The following ANKRD18A variants were observed in gnomAD, a reference collection of about 807,000 sequenced individuals.
ANKRD18A encodes ankyrin repeat domain 18A, also known as ankyrin repeat domain-containing protein 18A.
ANKRD18A carries 72 observed loss-of-function variants against 110.6 expected under a neutral mutation model. The observed-to-expected ratio is 0.65, with a 90% CI of 0.54 to 0.79. ANKRD18A has a LOEUF of 0.79. Among genes scored for constraint, ANKRD18A ranks in the 30% least tolerant of loss-of-function variants. The pLI, the probability that ANKRD18A is intolerant of heterozygous loss-of-function variation, is 0.00. For missense variants in ANKRD18A, 934 were observed against 1,163.3 expected, an observed-to-expected ratio of 0.80 and a Z score of 2.87; for synonymous variants, 305 against 410.3, an observed-to-expected ratio of 0.74 and a Z score of 3.10.
rs554710200 is a variant in ANKRD18A at position 38,589,527 on chromosome 9, C to T, written c.2005-864G>A. 1.4e-3 allele frequency among the ~76,000 whole-genome samples: 208 copies of T among 152,334 alleles called. 2 individuals are homozygous for T. Among genetic ancestry groups the T allele is most frequent in the Non-Finnish European group, 1.3e-3 (88 of 68,036 alleles). ...ACTGTAAGCCTGCTTCAAGCTAGCC[C>T]ACCCCATTTTTGAAGTGTGTATAAA... On this transcript the variant is annotated intron_variant, in intron 10 of 15. Transcript: ENST00000399703.
intron 11 of ANKRD18A, 44 bp downstream of exon 11, chr9:38,588,507 C>A (rs1824485825): frequency 4.3e-6 from 5 of 1,166,620 alleles, no homozygotes; most frequent in South Asian, 2.8e-5. Flanking sequence ...AGAGTTAAAT[C>A]AATTACTAAA....
At chr9:38,585,411 G>C (rs1294932702) in intron 12 of ANKRD18A, among the ~76,000 whole-genome samples, 1 of 152,088 alleles carries the variant, frequency 6.6e-6, no homozygotes, top group African/African-American at 2.4e-5. Flanking sequence ...CTGAGCCAAT[G>C]TATGTCTTCC....
intron 15 of ANKRD18A, among the ~76,000 whole-genome samples, chr9:38,574,440 T>G (rs549475784): frequency 6.6e-6 from 1 of 152,242 alleles, no homozygotes; most frequent in South Asian, 2.1e-4. Flanking sequence ...GTAATGGGGT[T>G]GCTGCATGTG....
At chr9:38,585,948 G>A (rs1587498222) in intron 12 of ANKRD18A, among the ~76,000 whole-genome samples, 1 of 152,182 alleles carries the variant, frequency 6.6e-6, no homozygotes, top group Non-Finnish European at 1.5e-5. Context: ...ATAAGTGGGA[G>A]CTGAATGATG....
chr9:38,595,878 C>G lies in ANKRD18A; in HGVS notation c.1462G>C (p.Gly488Arg), dbSNP rs1824856748. Residue 488 changes from glycine (G) to arginine (R), a missense_variant, in exon 9 of 16, where the codon GGT (glycine) becomes CGT (arginine). Transcript: ENST00000399703. ...GCATCTCTTGTCTCACGGAGCTTACCTTTTAAGGTATTGAACTTCACCCGA... is the reference window on the plus strand; with the variant it reads ...GCATCTCTTGTCTCACGGAGCTTACGTTTTAAGGTATTGAACTTCACCCGA... The part of the protein sequence containing the change: ...KARVKFNTLK[G>R]KLRETRDALR... 1.3e-6 allele frequency: 2 copies of G among 1,551,298 alleles called. No individual in the cohort carries two copies. Among genetic ancestry groups the G allele is most frequent in the East Asian group, 4.9e-5 (2 of 40,908 alleles).
chr9:38,601,805 C>A (rs1825125731), intron 7 of ANKRD18A, among the ~76,000 whole-genome samples: 1 of 151,770 alleles, frequency 6.6e-6, no homozygotes, highest in Non-Finnish European at 1.5e-5. Flanking sequence ...AGCCCAGAGA[C>A]CATAGTGAAA....
rs1825103556 is a variant in ANKRD18A at position 38,601,165 on chromosome 9, T to C, written c.902A>G (p.Glu301Gly). 2.6e-6 allele frequency: 4 copies of C among 1,560,132 alleles called. No individual in the cohort carries two copies. The East Asian group carries it at 9.5e-5, about 37-fold the overall frequency. The change falls in exon 8 of 16, where the codon GAA (glutamate) becomes GGA (glycine). Residue 301 changes from glutamate to glycine, a missense_variant. Physicochemically the swap from Glu to Gly is moderately conservative, Grantham distance 98. Coordinates refer to ENST00000399703, the MANE Select transcript of ANKRD18A (RefSeq NM_147195.4). ...NLKVASEEKQERLQRSENKQP... is the reference protein window; with the variant it reads ...NLKVASEEKQGRLQRSENKQP... ...TTTATTTTCACTTCTTTGGAGCCTT[T>C]CTTGCTTTTCCTCTGAAGCCACTTT...
chr9:38,569,696 C>A (rs1178008854), downstream of ANKRD18A, among the ~76,000 whole-genome samples: 11 of 152,140 alleles, frequency 7.2e-5, no homozygotes, highest in African/African-American at 2.7e-4. Flanking sequence ...TGTCTTGCTT[C>A]TCTGGCCAGG....
chr9:38,572,248 C>T (rs1317411873), intron 15 of ANKRD18A, 189 bp from the exon 16 acceptor site: 2 of 447,208 alleles, frequency 4.5e-6, no homozygotes, highest in African/African-American at 4.2e-5. Flanking sequence ...GGTTAAATAT[C>T]ACAGCTTTTT....
In ANKRD18A at chr9:38,597,347, C is replaced by A. The variant is rs551598642; in HGVS notation, c.937-944G>T. Among the ~76,000 whole-genome samples, 4 of 152,156 alleles carry A rather than the reference C, an allele frequency of 2.6e-5. No homozygotes were observed. In the East Asian group the frequency reaches 7.7e-4, roughly 29 times the overall value. On this transcript the variant is annotated intron_variant, in intron 8 of 15. Transcript: ENST00000399703. Reference sequence around the variant, plus strand: ...AAGGTGCTCATTGAAATAGAGGAACCAAAGTTTGCCACAACACAAGGAGCC... The same window carrying A: ...AAGGTGCTCATTGAAATAGAGGAACAAAAGTTTGCCACAACACAAGGAGCC...
chr9:38,582,769 C>A (rs1165885074), intron 12 of ANKRD18A, among the ~76,000 whole-genome samples: 1 of 152,190 alleles, frequency 6.6e-6, no homozygotes, highest in Non-Finnish European at 1.5e-5. Context: ...TTTGTGACTG[C>A]ATTTGGCAGT....
rs1825413837 is a variant in ANKRD18A at position 38,607,471 on chromosome 9, G to A, written c.763C>T (p.His255Tyr). ...TGATTTTTAAGCATTTTATTTTTATGTTCCAAAATTTGTTGTCGGATGCTA... is the reference window on the plus strand; with the variant it reads ...TGATTTTTAAGCATTTTATTTTTATATTCCAAAATTTGTTGTCGGATGCTA... ...LRSIRQQILE[H>Y]KNKMLKNHLR... Residue 255 changes from histidine to tyrosine, a missense_variant, in exon 6 of 16, where the codon CAT becomes TAT. This residue lies in a region of ANKRD18A where 630 missense variants were observed against 797.5 expected (regional missense o/e 0.79). Transcript: ENST00000399703. 2 of 1,499,022 alleles carry A rather than the reference G, an allele frequency of 1.3e-6. No homozygotes were observed. The highest frequency in any genetic ancestry group is 1.4e-5 in the African/African-American group (1 of 70,088). 92.9% of individuals were successfully genotyped at this position (1,499,022 alleles called of 1,614,324 possible).
At chr9:38,589,911 C>G (rs1158786226) in intron 10 of ANKRD18A, among the ~76,000 whole-genome samples, 1 of 152,192 alleles carries the variant, frequency 6.6e-6, no homozygotes, top group Non-Finnish European at 1.5e-5. Flanking sequence ...AAATTTCCAG[C>G]TCTGACCTTT....
chr9:38,603,958 C>A (rs1012303832), intron 6 of ANKRD18A, among the ~76,000 whole-genome samples: 10 of 152,294 alleles, frequency 6.6e-5, no homozygotes, highest in Admixed American at 5.2e-4. Context: ...TTTGCTTTCC[C>A]AGTGCCTGGT....
rs1386113385 is a variant in ANKRD18A at position 38,593,825 on chromosome 9, G to T, written c.1939C>A (p.His647Asn). Residue 647 changes from histidine (H) to asparagine (N), a missense_variant, in exon 10 of 16, where the codon CAT (histidine) becomes AAT (asparagine). By Grantham distance (68) the His-to-Asn change is moderately conservative. Transcript: ENST00000399703. Reference protein sequence around the residue: ...ISESPLEGTSHCHINLNETWT... With the variant: ...ISESPLEGTSNCHINLNETWT... Reference sequence around the variant, plus strand: ...GTCTCATTCAAATTAATATGACAATGTGATGTACCTTCCAGTGGAGACTCT... The same window carrying T: ...GTCTCATTCAAATTAATATGACAATTTGATGTACCTTCCAGTGGAGACTCT... 5.2e-6 allele frequency: 8 copies of T among 1,542,890 alleles called. No homozygotes were observed.
chr9:38,613,899 T>C (rs531128931), intron 3 of ANKRD18A, among the ~76,000 whole-genome samples: 1 of 152,354 alleles, frequency 6.6e-6, no homozygotes, highest in East Asian at 1.9e-4. Flanking sequence ...GGTCAGTCTC[T>C]ACTTATTGAA....
At position 38,611,220 on chromosome 9, in the gene ANKRD18A, G is replaced by A. The variant is rs1825606232; in HGVS notation, c.597C>T (p.Phe199=). Residue 199 remains phenylalanine, a synonymous_variant, in exon 4 of 16, where the codon TTC becomes TTT. Coordinates refer to ENST00000399703, the MANE Select transcript of ANKRD18A (RefSeq NM_147195.4). Reference sequence around the variant, plus strand: ...AAAAACAAAAACTATTGCACCTTTTGAAATTGTCAACGGCATGTATATTTG... The same window carrying A: ...AAAAACAAAAACTATTGCACCTTTTAAAATTGTCAACGGCATGTATATTTG... ...NQANIHAVDN[F]KRTALILAVQ... 3.3e-6 allele frequency: 5 copies of A among 1,528,236 alleles called. No individual in the cohort carries two copies. In the East Asian group the frequency reaches 1.2e-4, roughly 38 times the overall value. 94.7% of individuals were successfully genotyped at this position (1,528,236 alleles called of 1,614,324 possible).
rs557693102 is a variant in ANKRD18A at position 38,572,059 on chromosome 9, C to T, written c.2965G>A (p.Val989Ile). The change falls in exon 16 of 16, where the codon GTT becomes ATT. Residue 989 changes from valine to isoleucine, a missense_variant and splice_region_variant. This residue lies in a region of ANKRD18A where 223 missense variants were observed against 226.7 expected (regional missense o/e 0.98). Coordinates refer to ENST00000399703, the MANE Select transcript of ANKRD18A (RefSeq NM_147195.4). ...GGAGCAAGTGCTCAACATAGCAAAA[C>T]CTGGAAAGAAAAAGAAAGGATTATG... ...SNNCKNFLTE[V>I]LLC 6 of 1,581,180 alleles carry T rather than the reference C, an allele frequency of 3.8e-6. No homozygotes were observed. In the African/African-American group the frequency reaches 6.9e-5, roughly 18 times the overall value.
Position 38,593,788 on chromosome 9 carries a change from T to C in ANKRD18A, c.1976A>G (p.Lys659Arg). 1 of 1,532,886 alleles carries C rather than the reference T, an allele frequency of 6.5e-7. No homozygotes were observed. Among genetic ancestry groups the C allele is most frequent in the South Asian group, 1.3e-5 (1 of 78,076 alleles). 95.0% of individuals were successfully genotyped at this position (1,532,886 alleles called of 1,614,324 possible). A position where few individuals can be genotyped will look rare whatever the true frequency, so the allele number is the denominator to read the frequency against. Residue 659 changes from lysine to arginine, a missense_variant, in exon 10 of 16, where the codon AAG becomes AGG. Lys to Arg is a conservative substitution (Grantham distance 26). Transcript: ENST00000399703. ...AATTTCTACTTGAAATAATTTCTTC[T>C]TTGAAGTCCATGTCTCATTCAAATT... ...HINLNETWTS[K>R]KKLFQVEIQP...
Sources: allele counts gnomAD v4.1 joint callset (sites outside exome capture counted in the v4.1 genomes callset), GRCh38; gene constraint gnomAD v4.1.1; regional missense constraint gnomAD v4.1.1; transcripts MANE v1.5; gene names NCBI Gene and HGNC (gene_info 2026-07-23, HGNC 2026-07-21).